AFF3: variants seen among roughly 807,000 people sequenced by gnomAD.
AFF3 encodes ALF transcription elongation factor 3, also known as AF4/FMR2 family member 3.
Under a neutral mutation model 129.7 loss-of-function variants are expected in AFF3, and 32 were observed. The ratio of observed to expected loss-of-function variants is 0.25; its 90% CI spans 0.19 to 0.33. AFF3 has a LOEUF of 0.33. AFF3 is among the 10% of genes least tolerant of loss of function. The probability of loss-of-function intolerance (pLI) is 1.00; values close to 1 mark genes in which losing one functional copy is unlikely to be tolerated. For missense variants in AFF3, 1,373 were observed against 1,592.0 expected (o/e 0.86, Z 2.34); for synonymous variants, 644 against 635.4 (o/e 1.01, Z -0.20).
rs115299538 is a variant in AFF3 at position 99,821,698 on chromosome 2, A to C, written c.921+15779T>G. 4.6e-3 allele frequency among the ~76,000 whole-genome samples: 693 copies of C among 152,290 alleles called. 3 individuals carry two copies. Among genetic ancestry groups the C allele is most frequent in the African/African-American group, 0.016 (659 of 41,572 alleles). On this transcript the variant is annotated intron_variant, in intron 8 of 24. Transcript: ENST00000672756. ...ACATACCTGTATGTGCTGGGCTTTT[A>C]TCCGACTGGAAGCACAGTAGGTTTG...
At chr2:100,095,415 C>A (rs1395168055) in intron 4 of AFF3, among the ~76,000 whole-genome samples, 2 of 152,062 alleles carry the variant, frequency 1.3e-5, no homozygotes, top group Admixed American at 1.3e-4. Context: ...TGGACTATGA[C>A]GTATTAAGGC....
intron 12 of AFF3, among the ~76,000 whole-genome samples, chr2:99,650,767 T>C (rs1357886599): frequency 6.6e-6 from 1 of 151,070 alleles, no homozygotes; most frequent in Non-Finnish European, 1.5e-5. Flanking sequence ...TATTGATTTG[T>C]TTTTTGTTTT....
At chr2:99,776,059 CAT>C (rs534483304) in intron 8 of AFF3, among the ~76,000 whole-genome samples, 171 of 152,200 alleles carry the variant, frequency 1.1e-3, no homozygotes, top group African/African-American at 3.9e-3. Flanking sequence ...CAGTAGGAGA[CAT>C]GTGAAAATGC....
intron 7 of AFF3, among the ~76,000 whole-genome samples, chr2:99,899,915 T>C (rs907228454): frequency 2.6e-5 from 4 of 152,246 alleles, no homozygotes; most frequent in African/African-American, 9.6e-5. Context: ...CAGAACTATT[T>C]AGACTTAGAA....
At chr2:99,754,375 C>T (rs1681917416) in intron 8 of AFF3, among the ~76,000 whole-genome samples, 1 of 152,136 alleles carries the variant, frequency 6.6e-6, no homozygotes, top group Non-Finnish European at 1.5e-5. Flanking sequence ...TTGTCTGATC[C>T]TCAGGGGACA....
rs375978424 is a variant in AFF3, at chr2:99,876,479, G to A, written c.874-38955C>T. On this transcript the variant is annotated intron_variant, in intron 7 of 24. Coordinates refer to ENST00000672756, the MANE Select transcript of AFF3 (RefSeq NM_001386135.1). ...CCTCCAAAAGATATCACACATCTACGATACCCCGATCCATCTCCAGTGCTG... is the reference window on the plus strand; with the variant it reads ...CCTCCAAAAGATATCACACATCTACAATACCCCGATCCATCTCCAGTGCTG... Among the ~76,000 whole-genome samples the A allele has an allele frequency of 1.3e-4, 19 of 151,934 alleles. No individual in the cohort carries two copies. The East Asian group carries it at 3.3e-3, about 26-fold the overall frequency.
At chr2:99,971,912 T>C (rs896986007) in intron 7 of AFF3, among the ~76,000 whole-genome samples, 5 of 152,192 alleles carry the variant, frequency 3.3e-5, no homozygotes, top group Admixed American at 1.3e-4. Flanking sequence ...ATGTCCTCTG[T>C]CTAAATCATG....
In AFF3 at chr2:100,093,802, T is replaced by A. The variant is rs578109597; in HGVS notation, c.53+10600A>T. 6.9e-3 allele frequency among the ~76,000 whole-genome samples: 1,054 copies of A among 152,260 alleles called. 7 individuals carry two copies. Among genetic ancestry groups the A allele is most frequent in the Admixed American group, 0.011 (164 of 15,288 alleles). On this transcript the variant is annotated intron_variant, in intron 4 of 24. Coordinates refer to ENST00000672756, the MANE Select transcript of AFF3 (RefSeq NM_001386135.1). ...TACAATATGCCGCCGCACGTGATGATCACTGGTGCTCAGGCAGAACGGACT... is the reference window on the plus strand; with the variant it reads ...TACAATATGCCGCCGCACGTGATGAACACTGGTGCTCAGGCAGAACGGACT...
chr2:99,558,253 T>G (rs139308735), intron 22 of AFF3, among the ~76,000 whole-genome samples: 40 of 152,340 alleles, frequency 2.6e-4, no homozygotes, highest in African/African-American at 8.2e-4. Context: ...GAGGAATTTA[T>G]GTTAGCTATA....
intron 13 of AFF3, among the ~76,000 whole-genome samples, chr2:99,604,483 A>G (rs554281380): frequency 7.9e-5 from 12 of 152,202 alleles, no homozygotes; most frequent in African/African-American, 2.9e-4. Flanking sequence ...AGGGTGGAGG[A>G]TGGGAGGAGG....
chr2:99,770,182 G>A (rs1219466291), intron 8 of AFF3, among the ~76,000 whole-genome samples: 1 of 152,102 alleles, frequency 6.6e-6, no homozygotes, highest in African/African-American at 2.4e-5. Flanking sequence ...GGCTGAGCTG[G>A]CACTCCAACT....
In AFF3 at chr2:100,084,266, T is replaced by A. The variant is rs888199664; in HGVS notation, c.53+20136A>T. Among the ~76,000 whole-genome samples the A allele has an allele frequency of 8.5e-5, 13 of 152,352 alleles. No individual in the cohort carries two copies. The East Asian group carries it at 1.9e-3, about 23-fold the overall frequency. The stretch of plus-strand genomic sequence containing the variant: ...CAATTAATAACAACTTAAAAAGTAA[T>A]CATAGCTAAACACATTGTGCACTTA... On this transcript the variant is annotated intron_variant, in intron 4 of 24. Transcript: ENST00000672756.
chr2:100,009,113 C>A lies in AFF3; in HGVS notation c.54-181G>T, dbSNP rs145042763. Among the ~76,000 whole-genome samples the A allele has an allele frequency of 6.2e-4, 94 of 152,278 alleles. 1 individual carries two copies. The highest frequency in any genetic ancestry group is 2.2e-3 in the African/African-American group (92 of 41,554). On this transcript the variant is annotated intron_variant, in intron 4 of 24. Transcript: ENST00000672756. ...TGCTGGGGTGTCTAACAATTACATTCTTTGGGGGGAAAAGAATCCTTAGGA... is the reference window on the plus strand; with the variant it reads ...TGCTGGGGTGTCTAACAATTACATTATTTGGGGGGAAAAGAATCCTTAGGA...
At chr2:99,647,456 C>A (rs6749222) in intron 13 of AFF3, among the ~76,000 whole-genome samples, 1 of 151,920 alleles carries the variant, frequency 6.6e-6, no homozygotes, top group Non-Finnish European at 1.5e-5. Flanking sequence ...AGACCCATGA[C>A]GGGGAAACAC....
intron 4 of AFF3, among the ~76,000 whole-genome samples, chr2:100,063,664 T>C (rs907305556): frequency 2.0e-5 from 3 of 152,140 alleles, no homozygotes; most frequent in South Asian, 2.1e-4. Flanking sequence ...GTCCAAAATA[T>C]GTCTCATCGG....
At chr2:100,009,876 A>C (rs1229814909) in intron 4 of AFF3, among the ~76,000 whole-genome samples, 1 of 152,206 alleles carries the variant, frequency 6.6e-6, no homozygotes, top group African/African-American at 2.4e-5. Flanking sequence ...CCAATCAAAA[A>C]GAGCTTACAG....
chr2:99,914,111 T>G (rs1695289511), intron 7 of AFF3, among the ~76,000 whole-genome samples: 1 of 152,142 alleles, frequency 6.6e-6, no homozygotes, highest in African/African-American at 2.4e-5. Context: ...ATAACTTCAG[T>G]GGAGAAACTT....
At chr2:99,794,956 C>T (rs1208922501) in intron 8 of AFF3, among the ~76,000 whole-genome samples, 1 of 152,148 alleles carries the variant, frequency 6.6e-6, no homozygotes, top group African/African-American at 2.4e-5. Context: ...ATAAGAAGAA[C>T]TAGAGTAATC....
chr2:99,848,370 C>T (rs1170140893), intron 7 of AFF3, among the ~76,000 whole-genome samples: 3 of 152,118 alleles, frequency 2.0e-5, no homozygotes, highest in Admixed American at 1.3e-4. Context: ...GCAGATATTC[C>T]TGCTTCAATG....
Sources: gnomAD v4.1 joint callset for allele counts (sites outside exome capture counted in the v4.1 genomes callset) on GRCh38, gnomAD v4.1.1 for gene constraint, MANE v1.5 for transcripts, NCBI Gene and HGNC (gene_info 2026-07-23, HGNC 2026-07-21) for gene names.